The following ENTPD3 variants were observed in gnomAD, a reference collection of about 807,000 sequenced individuals.
ENTPD3 encodes ectonucleoside triphosphate diphosphohydrolase 3.
In ENTPD3, 60 loss-of-function variants were observed where a neutral mutation model predicts 51.2. The observed-to-expected ratio is 1.17, with a 90% CI of 0.95 to 1.45. The LOEUF is 1.45. Ranked by LOEUF, ENTPD3 falls within the 40% of genes most tolerant of loss-of-function variation. ENTPD3 has a pLI of 0.00. For missense variants in ENTPD3, 593 were observed against 641.1 expected (o/e 0.93, Z 0.81); for synonymous variants, 221 against 238.4 (o/e 0.93, Z 0.67).
intron 2 of ENTPD3, chr3:40,391,696 G>T (rs1041793630): frequency 5.6e-5 from 17 of 305,798 alleles, no homozygotes; most frequent in African/African-American, 2.7e-4. Flanking sequence ...AAAAAGAAAA[G>T]AAAAAGAAAA....
rs1955335706 is a variant in ENTPD3 at position 40,400,800 on chromosome 3, G to T, written c.169-94G>T. 3 of 887,988 alleles carry T rather than the reference G, an allele frequency of 3.4e-6. No individual in the cohort carries two copies. The South Asian group carries it at 4.6e-5, about 14-fold the overall frequency. 55.0% of individuals were successfully genotyped at this position (887,988 alleles called of 1,614,324 possible). A position where few individuals can be genotyped will look rare whatever the true frequency, so the allele number is the denominator to read the frequency against. On this transcript the variant is annotated intron_variant, in intron 3 of 10. Coordinates refer to ENST00000301825, the MANE Select transcript of ENTPD3 (RefSeq NM_001248.4). ...GCCCTTCCCTAAGCGAAGCAGTGTG[G>T]ATTAAGGTACTCAGGGTTCTCAGTG...
intron 4 of ENTPD3, among the ~76,000 whole-genome samples, chr3:40,410,474 C>T (rs537413971): frequency 1.3e-5 from 2 of 151,146 alleles, no homozygotes; most frequent in East Asian, 1.9e-4. Context: ...AAAGATATCA[C>T]TATTTGCAAC....
intron 3 of ENTPD3, among the ~76,000 whole-genome samples, 194 bp from the exon 4 acceptor site, chr3:40,400,700 C>T (rs889705936): frequency 1.3e-5 from 2 of 152,116 alleles, no homozygotes; most frequent in African/African-American, 4.8e-5. Context: ...ACCTGCCCTA[C>T]CTTTCCTCAT....
chr3:40,412,784 T>A (rs889797147), intron 5 of ENTPD3, among the ~76,000 whole-genome samples: 7 of 152,156 alleles, frequency 4.6e-5, no homozygotes, highest in African/African-American at 1.7e-4. Context: ...TGAAAAGAAA[T>A]CATGATGTGC....
chr3:40,410,354 T>G (rs1419344584), intron 4 of ENTPD3, among the ~76,000 whole-genome samples: 2 of 149,656 alleles, frequency 1.3e-5, no homozygotes, highest in African/African-American at 4.9e-5. Context: ...GGCACAAGAA[T>G]CGCTTGAATC....
intron 2 of ENTPD3, among the ~76,000 whole-genome samples, chr3:40,389,967 T>C (rs1559506126): frequency 6.6e-6 from 1 of 152,240 alleles, no homozygotes; most frequent in Non-Finnish European, 1.5e-5. Flanking sequence ...AAATGTTATA[T>C]GGCTGCACTG....
At chr3:40,423,504 C>A in intron 9 of ENTPD3, 103 bp downstream of exon 9, 1 of 848,026 alleles carries the variant, frequency 1.2e-6, no homozygotes. Flanking sequence ...TCTTCTATTT[C>A]CATCACATCT....
chr3:40,423,247 C>A (rs746969761), intron 8 of ENTPD3, 44 bp from the exon 9 acceptor site: 2 of 1,571,960 alleles, frequency 1.3e-6, no homozygotes, highest in Non-Finnish European at 1.7e-6. Flanking sequence ...TTCTATTATA[C>A]CCCATTCTGA....
chr3:40,419,084 T>A (rs1575230324), intron 7 of ENTPD3, among the ~76,000 whole-genome samples: 1 of 152,168 alleles, frequency 6.6e-6, no homozygotes, highest in South Asian at 2.1e-4. Context: ...GTCAGTATAT[T>A]AACTTATTTT....
chr3:40,387,803 C>A (rs1157062505), intron 1 of ENTPD3, among the ~76,000 whole-genome samples: 1 of 152,090 alleles, frequency 6.6e-6, no homozygotes, highest in African/African-American at 2.4e-5. Context: ...TTTCGGAAAA[C>A]CTTTTCAGTT....
chr3:40,402,375 TC>T (rs1955384346), intron 4 of ENTPD3, among the ~76,000 whole-genome samples: 1 of 152,106 alleles, frequency 6.6e-6, no homozygotes, highest in Non-Finnish European at 1.5e-5. Context: ...TGCCTCGGCC[TC>T]CCAAAGTGCT....
At chr3:40,405,160 T>C (rs1955460775) in intron 4 of ENTPD3, among the ~76,000 whole-genome samples, 1 of 152,196 alleles carries the variant, frequency 6.6e-6, no homozygotes, top group Middle Eastern at 3.4e-3. Flanking sequence ...TCTCCTCCAT[T>C]AAAATCCCTC....
chr3:40,424,359 A>T (rs1955943536), intron 10 of ENTPD3, among the ~76,000 whole-genome samples: 1 of 152,234 alleles, frequency 6.6e-6, no homozygotes, highest in South Asian at 2.1e-4. Context: ...TAAATGTAAC[A>T]GTTTTTTAAA....
intron 3 of ENTPD3, among the ~76,000 whole-genome samples, chr3:40,393,980 G>A (rs1311817149): frequency 7.0e-6 from 1 of 143,594 alleles, no homozygotes; most frequent in Admixed American, 7.2e-5. Context: ...CCCGGGAGGT[G>A]GAGGTTGCAG....
At chr3:40,393,200 T>G (rs181028132) in intron 3 of ENTPD3, among the ~76,000 whole-genome samples, 131 of 152,258 alleles carry the variant, frequency 8.6e-4, no homozygotes, top group African/African-American at 2.9e-3. Flanking sequence ...TCAATCATTT[T>G]GGGTAGGGGT....
chr3:40,426,106 T>C (rs1181907084), intron 10 of ENTPD3, among the ~76,000 whole-genome samples: 9 of 120,710 alleles, frequency 7.5e-5, no homozygotes, highest in African/African-American at 1.1e-4. Flanking sequence ...CTTTTTCTTT[T>C]CTTTTTTTTT....
chr3:40,394,476 G>C (rs1242206236), intron 3 of ENTPD3: 1 of 158,398 alleles, frequency 6.3e-6, no homozygotes, highest in African/African-American at 2.4e-5. Context: ...AGTTAAGTCA[G>C]CGCTTTTCCC....
chr3:40,405,230 G>A (rs1225680698), intron 4 of ENTPD3, among the ~76,000 whole-genome samples: 1 of 152,152 alleles, frequency 6.6e-6, no homozygotes, highest in Non-Finnish European at 1.5e-5. Context: ...TTGCCTCTGG[G>A]TGCAGTGGCT....
intron 3 of ENTPD3, among the ~76,000 whole-genome samples, chr3:40,394,588 T>C (rs1054680493): frequency 2.6e-5 from 4 of 152,192 alleles, no homozygotes; most frequent in East Asian, 3.9e-4. Flanking sequence ...GGTCAGTGAA[T>C]GACAGGTCCA....
Sources: gnomAD v4.1 joint callset for allele counts (sites outside exome capture counted in the v4.1 genomes callset) on GRCh38, gnomAD v4.1.1 for gene constraint, MANE v1.5 for transcripts, NCBI Gene and HGNC (gene_info 2026-07-23, HGNC 2026-07-21) for gene names.